Variants in BLTP1 observed in about 807,000 individuals in gnomAD.
BLTP1 encodes fragile site-associated protein.
chr4:122,325,174 C>T, the BLTP1 span: 1 of 1,497,904 alleles, frequency 6.7e-7, no homozygotes, highest in Non-Finnish European at 9.1e-7. Context: ...TTTATAAAGT[C>T]CAGGAATTTT....
chr4:122,197,570 C>T, the BLTP1 span: 4 of 442,382 alleles, frequency 9.0e-6, no homozygotes, highest in Non-Finnish European at 9.0e-6. Flanking sequence ...GACTGTTGCA[C>T]TTTGAGAGCA....
At chr4:122,347,789 C>G in the BLTP1 span, 2 of 1,602,712 alleles carry the variant, frequency 1.2e-6, no homozygotes, top group Non-Finnish European at 1.7e-6. Flanking sequence ...GGTAACACTG[C>G]TCTTTTTGTT....
the BLTP1 span, among the ~76,000 whole-genome samples, chr4:122,159,152 C>T: frequency 4.6e-5 from 7 of 152,174 alleles, no homozygotes; most frequent in East Asian, 9.7e-4. Flanking sequence ...GTTATAAGTA[C>T]AATTCTGTTA....
the BLTP1 span, chr4:122,219,143 C>G: frequency 2.0e-6 from 2 of 984,716 alleles, no homozygotes; most frequent in East Asian, 1.1e-4. Flanking sequence ...GCATTTTTTG[C>G]TACTGAATAT....
the BLTP1 span, chr4:122,249,757 C>A: frequency 1.3e-6 from 2 of 1,559,104 alleles, no homozygotes; most frequent in East Asian, 2.3e-5. Flanking sequence ...TTTGAACAAT[C>A]ATGGCTTTCA....
At chr4:122,188,224 C>T in the BLTP1 span, 3 of 1,062,942 alleles carry the variant, frequency 2.8e-6, no homozygotes, top group Non-Finnish European at 3.7e-6. Context: ...AAGCAGTTAA[C>T]AATGTAGTCC....
the BLTP1 span, chr4:122,208,500 C>T: frequency 2.1e-6 from 2 of 950,134 alleles, no homozygotes; most frequent in Middle Eastern, 5.4e-4. Context: ...ATGAGACTTA[C>T]TAGAATCAAA....
chr4:122,208,576 T>C, the BLTP1 span: 9 of 968,028 alleles, frequency 9.3e-6, no homozygotes, highest in African/African-American at 1.6e-4. Context: ...TTATAAAAGT[T>C]TTTTTAAAAA....
chr4:122,291,301 T>C, the BLTP1 span, among the ~76,000 whole-genome samples: 1 of 152,236 alleles, frequency 6.6e-6, no homozygotes, highest in South Asian at 2.1e-4. Flanking sequence ...CCACAGGGCC[T>C]GATGGCGCAT....
the BLTP1 span, chr4:122,344,637 T>G: frequency 3.2e-6 from 4 of 1,248,954 alleles, no homozygotes; most frequent in Non-Finnish European, 3.4e-6. Flanking sequence ...TAATAGTGTT[T>G]AAATATTAAG....
the BLTP1 span, among the ~76,000 whole-genome samples, chr4:122,280,973 A>G: frequency 1.3e-5 from 2 of 152,198 alleles, no homozygotes; most frequent in Admixed American, 6.5e-5. Context: ...GTAGTAGTTG[A>G]AAAATCAGAC....
the BLTP1 span, chr4:122,229,714 T>C: frequency 1.0e-6 from 1 of 964,276 alleles, no homozygotes; most frequent in African/African-American, 1.8e-5. Flanking sequence ...TTTCTCCTTT[T>C]TAAAAAATTG....
the BLTP1 span, chr4:122,350,178 GC>G: frequency 6.9e-7 from 1 of 1,452,508 alleles, no homozygotes; most frequent in Non-Finnish European, 9.0e-7. Flanking sequence ...TTAGAAAATA[GC>G]CCACAGGCTC....
chr4:122,348,876 A>G, the BLTP1 span: 2 of 570,842 alleles, frequency 3.5e-6, no homozygotes, highest in South Asian at 3.1e-5. Flanking sequence ...CTTAATTCTA[A>G]GGATACTGCA....
At chr4:122,190,960 A>G in the BLTP1 span, among the ~76,000 whole-genome samples, 190 of 152,306 alleles carry the variant, frequency 1.2e-3, 6 homozygotes, top group East Asian at 0.036. Context: ...GTGCAGAGCA[A>G]TGGTGGGTAA....
chr4:122,232,203 A>G, the BLTP1 span: 2 of 732,582 alleles, frequency 2.7e-6, no homozygotes, highest in South Asian at 1.2e-4. Flanking sequence ...TAGCTGTTAC[A>G]ATTTCATGGA....
the BLTP1 span, among the ~76,000 whole-genome samples, chr4:122,244,789 C>T: frequency 6.6e-6 from 1 of 152,088 alleles, no homozygotes; most frequent in African/African-American, 2.4e-5. Context: ...AAGAAAAGAT[C>T]ATTGCCCAGT....
the BLTP1 span, chr4:122,197,484 A>T: frequency 1.2e-6 from 1 of 834,758 alleles, no homozygotes; most frequent in Non-Finnish European, 1.4e-6. Flanking sequence ...GTTCAGTCTT[A>T]TATGCTTTTA....
the BLTP1 span, among the ~76,000 whole-genome samples, chr4:122,279,387 C>T: frequency 6.6e-6 from 1 of 152,170 alleles, no homozygotes; most frequent in African/African-American, 2.4e-5. Context: ...CTGCTGATTG[C>T]TTTGGGATAC....
Sources: allele counts gnomAD v4.1 joint callset (sites outside exome capture counted in the v4.1 genomes callset), GRCh38; gene constraint gnomAD v4.1.1; transcripts MANE v1.5; gene names NCBI Gene and HGNC (gene_info 2026-07-23, HGNC 2026-07-21).